Variants in GLA observed in about 807,000 individuals in gnomAD.
GLA encodes alpha-galactosidase A.
Under a neutral mutation model 28.2 loss-of-function variants are expected in GLA, and 4 were observed. The observed-to-expected ratio is 0.14, with a 90% confidence interval of 0.07 to 0.32. The LOEUF (loss-of-function observed/expected upper bound fraction) is 0.32, where lower values mean the gene tolerates loss of function less well. Among genes scored for constraint, GLA ranks in the 10% least tolerant of loss-of-function variants. The pLI, the probability that GLA is intolerant of heterozygous loss-of-function variation, is 1.00. For synonymous variants in GLA, 94 were observed against 113.0 expected, an observed-to-expected ratio of 0.83 and a Z score of 1.07; for missense variants, 203 against 323.7, an observed-to-expected ratio of 0.63 and a Z score of 2.86.
chrX:101,398,044 G>C lies in GLA; in HGVS notation c.1055C>G (p.Ala352Gly), dbSNP rs869312162. 3.3e-6 allele frequency: 4 copies of C among 1,211,263 alleles called. No individual in the cohort carries two copies. The highest frequency in any genetic ancestry group is 4.6e-4 in the Middle Eastern group (2 of 4,350). ...RPLSGLAWAV[A>G]MINRQEIGGP... Reference sequence around the variant, plus strand: ...ACCAATCTCCTGCCGGTTTATCATAGCTACAGCCCAGGCTAAGCCTGAGAG... The same window carrying C: ...ACCAATCTCCTGCCGGTTTATCATACCTACAGCCCAGGCTAAGCCTGAGAG... The change falls in exon 7 of 7, where the codon GCT becomes GGT. Residue 352 changes from alanine (A) to glycine (G), a missense_variant. By Grantham distance (60) the Ala-to-Gly change is moderately conservative. Transcript: ENST00000218516.
chrX:101,399,747 C>CT (rs1352084824), intron 4 of GLA: 1 of 112,288 alleles, frequency 8.9e-6, no homozygotes, highest in African/African-American at 3.2e-5. Flanking sequence ...AACTTACACT[C>CT]TAGTGGGGAG....
In GLA at chrX:101,398,023, A is replaced by G. The variant is rs1928132914; in HGVS notation, c.1076T>C (p.Ile359Thr). The change falls in exon 7 of 7, where the codon ATT (isoleucine) becomes ACT (threonine). Residue 359 changes from isoleucine to threonine, a missense_variant. By Grantham distance (89) the Ile-to-Thr change is moderately conservative (BLOSUM62 -1). Around this residue, in one of 3 missense-constraint regions of GLA, gnomAD observed 162 missense variants for 246.8 expected, o/e 0.66. Transcript: ENST00000218516. ...GATGGTATAAGAGCGAGGTCCACCA[A>G]TCTCCTGCCGGTTTATCATAGCTAC... ...WAVAMINRQE[I>T]GGPRSYTIAV... The G allele has an allele frequency of 1.7e-6, 2 of 1,210,379 alleles. No homozygotes were observed. Among genetic ancestry groups the G allele is most frequent in the Non-Finnish European group, 1.1e-6 (1 of 894,287 alleles).
chrX:101,404,421 A>C (rs1184872922), intron 1 of GLA, among the ~76,000 whole-genome samples: 1 of 111,942 alleles, frequency 8.9e-6, no homozygotes, highest in Non-Finnish European at 1.9e-5. Flanking sequence ...TGATGCTCCT[A>C]AATGATTTGA....
chrX:101,400,785 A>G, intron 3 of GLA, 28 bp from the exon 4 acceptor site: 4 of 799,440 alleles, frequency 5.0e-6, no homozygotes, highest in Non-Finnish European at 7.7e-6. Context: ...GGGTAAAATA[A>G]GGGAAAGAAA....
intron 1 of GLA, among the ~76,000 whole-genome samples, chrX:101,404,673 G>A (rs1427139469): frequency 9.6e-6 from 1 of 103,879 alleles, no homozygotes; most frequent in African/African-American, 3.6e-5. Flanking sequence ...CGGTTCAAGC[G>A]ATTCTTCTAC....
chrX:101,403,320 TTGTC>T (rs1928384912), intron 2 of GLA, among the ~76,000 whole-genome samples: 1 of 104,347 alleles, frequency 9.6e-6, no homozygotes, highest in South Asian at 4.1e-4. Flanking sequence ...AAAAAAAAAA[TTGTC>T]TGCTGATGGA....
intron 4 of GLA, chrX:101,399,889 T>C (rs1230354076): frequency 8.9e-6 from 1 of 111,980 alleles, no homozygotes; most frequent in Admixed American, 9.5e-5. Context: ...TGTCTGCATA[T>C]GTGGCGTTTG....
chrX:101,405,055 T>C (rs781833518), intron 1 of GLA, among the ~76,000 whole-genome samples: 71 of 108,951 alleles, frequency 6.5e-4, no homozygotes, highest in African/African-American at 2.3e-3. Context: ...CTGACCAACA[T>C]GGAGAAACCC....
intron 1 of GLA, among the ~76,000 whole-genome samples, chrX:101,406,894 T>A (rs1928538866): frequency 1.8e-5 from 2 of 112,897 alleles, no homozygotes; most frequent in South Asian, 7.1e-4. Context: ...GGTCAAGCGC[T>A]GTGCTATGTA....
intron 4 of GLA, among the ~76,000 whole-genome samples, chrX:101,400,174 T>C (rs180779122): frequency 1.0e-3 from 110 of 110,219 alleles, no homozygotes; most frequent in African/African-American, 3.6e-3. Context: ...ATGACATTTA[T>C]ATTTTTTATA....
intron 1 of GLA, among the ~76,000 whole-genome samples, chrX:101,404,423 A>G (rs1555986401): frequency 8.9e-6 from 1 of 111,971 alleles, no homozygotes; most frequent in African/African-American, 3.2e-5. Flanking sequence ...ATGCTCCTAA[A>G]TGATTTGAAT....
Position 101,400,061 on chromosome X carries a change from C to T in GLA, c.639+605G>A, listed in dbSNP as rs782473412. 9.0e-5 allele frequency among the ~76,000 whole-genome samples: 10 copies of T among 110,789 alleles called. No homozygotes were observed. In the East Asian group the frequency reaches 2.6e-3, roughly 28 times the overall value. On this transcript the variant is annotated intron_variant, in intron 4 of 6. Transcript: ENST00000218516. ...GTGTAGCCAGGGAAAGAGCCATGAC[C>T]CCTTGGACTTTGGGGAGGCAGGCAA...
intron 3 of GLA, chrX:101,401,184 C>T (rs1166942328): frequency 5.0e-6 from 1 of 199,521 alleles, no homozygotes; most frequent in Non-Finnish European, 9.2e-6. Context: ...CATGTTTAAA[C>T]TAGCAGCAGG....
chrX:101,406,731 C>G lies in GLA; in HGVS notation c.194+979G>C, dbSNP rs375983868. Among the ~76,000 whole-genome samples the G allele has an allele frequency of 6.4e-4, 72 of 112,504 alleles. No homozygotes were observed. In the South Asian group the frequency reaches 0.026, roughly 41 times the overall value. ...ACTGCCACCTTTTACCAACATCTAT[C>G]AGTGATTCCTAACCTTTTTTAAATC... On this transcript the variant is annotated intron_variant, in intron 1 of 6. Coordinates refer to ENST00000218516, the MANE Select transcript of GLA (RefSeq NM_000169.3).
In GLA at chrX:101,407,834, A is replaced by T. The variant is rs397515871; in HGVS notation, c.70T>A (p.Trp24Arg). ...LALRFLALVS[W>R]DIPGARALDN... ...AGTGCTCTAGCCCCAGGGATGTCCC[A>T]GGAAACGAGGGCCAGGAAGCGAAGC... is the stretch of plus-strand genomic sequence containing the variant. Residue 24 changes from tryptophan to arginine, a missense_variant, in exon 1 of 7, where the codon TGG becomes AGG. This residue lies in a region of GLA where 30 missense variants were observed against 32.2 expected (regional missense o/e 0.93). Transcript: ENST00000218516. 3.3e-6 allele frequency: 4 copies of T among 1,211,132 alleles called. No individual in the cohort carries two copies. Among genetic ancestry groups the T allele is most frequent in the East Asian group, 3.0e-5 (1 of 33,851 alleles).
chrX:101,401,564 C>T (rs1555985765), intron 3 of GLA, 68 bp downstream of exon 3: 2 of 924,011 alleles, frequency 2.2e-6, no homozygotes, highest in Non-Finnish European at 3.2e-6. Flanking sequence ...AAGATTGGTT[C>T]TTTGGCTCAG....
rs898606246 is a variant in GLA, at chrX:101,400,714, G to A, written c.591C>T (p.Ser197=). 3.4e-6 allele frequency: 4 copies of A among 1,191,964 alleles called. No homozygotes were observed. Among genetic ancestry groups the A allele is most frequent in the East Asian group, 5.9e-5 (2 of 33,778 alleles). The change falls in exon 4 of 7, where the codon AGC becomes AGT. Residue 197 remains serine, a synonymous_variant. Transcript: ENST00000218516. ...GAGGCCACTCACAGGAGTACACAAT[G>A]CTTCTGCCAGTCCTATTCAGGGCCA... is the stretch of plus-strand genomic sequence containing the variant. ...MSLALNRTGR[S]IVYSCEWPLY...
intron 4 of GLA, among the ~76,000 whole-genome samples, chrX:101,399,402 T>C (rs1555985272): frequency 8.9e-6 from 1 of 111,929 alleles, no homozygotes; most frequent in African/African-American, 3.3e-5. Context: ...CCATCTCTAC[T>C]AAAAATACAA....
At chrX:101,403,781 AAT>A (rs782380995) in intron 2 of GLA, 28 bp downstream of exon 2, 1 of 1,184,263 alleles carries the variant, frequency 8.4e-7, no homozygotes, top group Non-Finnish European at 1.1e-6. Context: ...CAGTCCTCTG[AAT>A]GAACAAGAAC....
Sources: gnomAD v4.1 joint callset for allele counts (sites outside exome capture counted in the v4.1 genomes callset) on GRCh38, gnomAD v4.1.1 for gene constraint, gnomAD v4.1.1 regional missense constraint, MANE v1.5 for transcripts, NCBI Gene and HGNC (gene_info 2026-07-23, HGNC 2026-07-21) for gene names.